Variants in VRK2 observed in about 807,000 individuals in gnomAD.
VRK2 encodes the protein VRK serine/threonine kinase 2.
A neutral mutation model predicts 57.6 loss-of-function variants in VRK2; 60 were observed. The observed-to-expected ratio is 1.04, with a 90% CI of 0.85 to 1.29. The LOEUF is 1.29. Ranked by LOEUF, VRK2 falls within the 50% of genes most tolerant of loss-of-function variation. The pLI is 0.00. For synonymous variants in VRK2, 231 were observed against 199.2 expected (o/e 1.16, Z -1.35); for missense variants, 705 against 588.1 (o/e 1.20, Z -2.06).
intron 1 of VRK2, among the ~76,000 whole-genome samples, chr2:58,010,612 G>A (rs965480766): frequency 1.3e-5 from 2 of 152,240 alleles, no homozygotes; most frequent in South Asian, 2.1e-4. Flanking sequence ...GAAAATCGGG[G>A]TATGCAGGGA....
intron 7 of VRK2, among the ~76,000 whole-genome samples, chr2:58,102,823 T>G (rs542944019): frequency 4.6e-5 from 7 of 151,610 alleles, no homozygotes; most frequent in Admixed American, 1.3e-4. Context: ...CAAGATAGAC[T>G]GTATGTTAGG....
chr2:58,008,737 AAT>A (rs1330198431), intron 1 of VRK2, among the ~76,000 whole-genome samples: 1 of 152,182 alleles, frequency 6.6e-6, no homozygotes, highest in Admixed American at 6.5e-5. Flanking sequence ...TACATAATTC[AAT>A]AGACTGGTTA....
chr2:58,090,969 T>C (rs1273349903), intron 7 of VRK2, among the ~76,000 whole-genome samples: 1 of 152,190 alleles, frequency 6.6e-6, no homozygotes, highest in African/African-American at 2.4e-5. Flanking sequence ...CTAGTTACTA[T>C]ACAATTTCAA....
rs548056043 is a variant in VRK2, at chr2:58,095,363, G to T, written c.543+5640G>T. Among the ~76,000 whole-genome samples the T allele has an allele frequency of 5.3e-5, 8 of 151,940 alleles. No individual in the cohort carries two copies. The South Asian group carries it at 1.7e-3, about 32-fold the overall frequency. On this transcript the variant is annotated intron_variant, in intron 7 of 12. Transcript: ENST00000340157. ...TATGTTAAGTTTTAAAATTGATTTG[G>T]GGGAGACCTCACATCTGTATGATGT...
chr2:58,003,913 G>A (rs1321710254), intron 1 of VRK2, among the ~76,000 whole-genome samples: 1 of 151,932 alleles, frequency 6.6e-6, no homozygotes, highest in African/African-American at 2.4e-5. Flanking sequence ...TTGTCACTGA[G>A]GCCTTCCTAT....
intron 2 of VRK2, among the ~76,000 whole-genome samples, chr2:58,031,899 G>A (rs547816597): frequency 2.2e-4 from 33 of 152,184 alleles, no homozygotes; most frequent in African/African-American, 7.0e-4. Context: ...ACAACTTTGA[G>A]TAGAACAGTA....
intron 2 of VRK2, among the ~76,000 whole-genome samples, chr2:58,081,894 G>GTC (rs1670934629): frequency 7.0e-6 from 1 of 143,326 alleles, no homozygotes; most frequent in African/African-American, 2.8e-5. Context: ...GTGTGTGTGT[G>GTC]TGTGTTTCGT....
chr2:58,102,356 C>G (rs1415464442), intron 7 of VRK2, among the ~76,000 whole-genome samples: 1 of 150,976 alleles, frequency 6.6e-6, no homozygotes, highest in Non-Finnish European at 1.5e-5. Flanking sequence ...TTACAAGAAA[C>G]TCACCTTGCT....
chr2:58,034,284 G>A (rs1354212804), intron 3 of VRK2, among the ~76,000 whole-genome samples: 1 of 151,802 alleles, frequency 6.6e-6, no homozygotes, highest in Non-Finnish European at 1.5e-5. Context: ...TGTTGTTTTG[G>A]GGCCTTAGCA....
chr2:58,070,745 C>T (rs1202454675), intron 2 of VRK2, among the ~76,000 whole-genome samples: 2 of 152,016 alleles, frequency 1.3e-5, no homozygotes, highest in Non-Finnish European at 2.9e-5. Context: ...CAGTTTTTGT[C>T]AGTTGTGAGT....
intron 12 of VRK2, among the ~76,000 whole-genome samples, chr2:58,157,468 A>G (rs1456035625): frequency 6.6e-6 from 1 of 152,146 alleles, no homozygotes; most frequent in South Asian, 2.1e-4. Context: ...ACAACCCAAA[A>G]TGTCTCCAGA....
Position 57,972,260 on chromosome 2 carries a change from C to T in VRK2, c.-438-53405C>T, listed in dbSNP as rs1187112834. ...ATGTTTTTTGTTTGTTTGTTTGTTT[C>T]ATCAGAAAATATATTATGACATAAT... On this transcript the variant is annotated intron_variant, in intron 1 of 15. Coordinates refer to the VRK2 transcript ENST00000417641. Among the ~76,000 whole-genome samples, 4 of 115,626 alleles carry T rather than the reference C, an allele frequency of 3.5e-5. No homozygotes were observed. In the East Asian group the frequency reaches 1.0e-3, roughly 29 times the overall value. 75.9% of individuals were successfully genotyped at this position (115,626 alleles called of 152,430 possible). A position where few individuals can be genotyped will look rare whatever the true frequency, so the allele number is the denominator to read the frequency against.
chr2:57,999,537 C>A (rs1026225345), intron 1 of VRK2, among the ~76,000 whole-genome samples: 6 of 152,018 alleles, frequency 3.9e-5, no homozygotes, highest in Admixed American at 6.6e-5. Context: ...TAATTCACAG[C>A]TTTATCTTTA....
At chr2:58,037,287 T>C (rs1256553738) in intron 3 of VRK2, among the ~76,000 whole-genome samples, 1 of 152,076 alleles carries the variant, frequency 6.6e-6, no homozygotes, top group Non-Finnish European at 1.5e-5. Flanking sequence ...ACTTCCGTGC[T>C]ACACAGCCAA....
intron 3 of VRK2, among the ~76,000 whole-genome samples, chr2:58,037,754 G>A (rs968474809): frequency 1.3e-5 from 2 of 151,982 alleles, no homozygotes; most frequent in Non-Finnish European, 2.9e-5. Flanking sequence ...TGCCAATAAA[G>A]AAACTGTTTT....
intron 2 of VRK2, among the ~76,000 whole-genome samples, chr2:58,070,910 C>G (rs1308152784): frequency 6.6e-6 from 1 of 152,118 alleles, no homozygotes; most frequent in Non-Finnish European, 1.5e-5. Flanking sequence ...AGTGGCTGTA[C>G]TATTTTATAT....
intron 1 of VRK2, among the ~76,000 whole-genome samples, chr2:57,982,604 AAG>A (rs1227909150): frequency 2.0e-5 from 3 of 152,146 alleles, no homozygotes. Flanking sequence ...CTGCTGATGA[AAG>A]AGCTACAGGA....
At chr2:58,137,159 TATATATC>T (rs1363525988) in intron 10 of VRK2, among the ~76,000 whole-genome samples, 1 of 71,834 alleles carries the variant, frequency 1.4e-5, no homozygotes, top group African/African-American at 5.4e-5. Context: ...CATGTGTTTA[TATATATC>T]ATATATCATA....
chr2:57,977,026 G>T (rs1262027842), intron 1 of VRK2, among the ~76,000 whole-genome samples: 1 of 152,090 alleles, frequency 6.6e-6, no homozygotes, highest in East Asian at 1.9e-4. Context: ...ATGGTTTTAG[G>T]AGTGTGGCTT....
Sources: allele counts gnomAD v4.1 joint callset (sites outside exome capture counted in the v4.1 genomes callset), GRCh38; gene constraint gnomAD v4.1.1; transcripts MANE v1.5; gene names NCBI Gene and HGNC (gene_info 2026-07-23, HGNC 2026-07-21).